The following SNX9 variants were observed in gnomAD, a reference collection of about 807,000 sequenced individuals.
The protein encoded by SNX9 is sorting nexin 9, also known as sorting nexin-9.
Under a neutral mutation model 89.4 loss-of-function variants are expected in SNX9, and 44 were observed. That is an observed-to-expected ratio of 0.49 (90% CI 0.39 to 0.63). The LOEUF (loss-of-function observed/expected upper bound fraction) is 0.63, where lower values mean the gene tolerates loss of function less well. Ranked by LOEUF, SNX9 falls within the 30% of genes least tolerant of loss-of-function variation. The probability of loss-of-function intolerance (pLI) is 0.00; values close to 1 mark genes in which losing one functional copy is unlikely to be tolerated. For synonymous variants in SNX9, 236 were observed against 247.8 expected, an observed-to-expected ratio of 0.95 and a Z score of 0.45; for missense variants, 578 against 736.1, an observed-to-expected ratio of 0.79 and a Z score of 2.49.
intron 7 of SNX9, 133 bp downstream of exon 7, chr6:157,906,345 A>T: frequency 1.5e-6 from 1 of 652,152 alleles, no homozygotes; most frequent in East Asian, 3.1e-5. Context: ...AACTGATAAT[A>T]TATGTTAGTG....
intron 9 of SNX9, among the ~76,000 whole-genome samples, chr6:157,911,208 T>G (rs1783336511): frequency 6.6e-6 from 1 of 152,216 alleles, no homozygotes; most frequent in South Asian, 2.1e-4. Flanking sequence ...AATGTTCACA[T>G]ACATGAACTA....
rs747986581 is a variant in SNX9, at chr6:157,875,181, G to A, written c.300+5G>A. ...GCTGCCAGCAACAATCACCAGGTAC[G>A]TCTCACTTCCTCCTTCTGGATGTGG... On this transcript the variant is annotated splice_donor_5th_base_variant and intron_variant, in intron 4 of 17. Transcript: ENST00000392185. 6.9e-6 allele frequency: 11 copies of A among 1,605,320 alleles called. 1 individual carries two copies. The highest frequency in any genetic ancestry group is 6.7e-5 in the East Asian group (3 of 44,488).
intron 1 of SNX9, among the ~76,000 whole-genome samples, chr6:157,854,225 C>A (rs1781966778): frequency 6.6e-6 from 1 of 152,168 alleles, no homozygotes; most frequent in Admixed American, 6.5e-5. Flanking sequence ...AGTGAGCATG[C>A]AGTTTTACAA....
chr6:157,888,557 T>C (rs1782785169), intron 4 of SNX9, among the ~76,000 whole-genome samples: 1 of 152,230 alleles, frequency 6.6e-6, no homozygotes, highest in African/African-American at 2.4e-5. Flanking sequence ...ACTGGGCACC[T>C]TTTTTATTTT....
intron 1 of SNX9, among the ~76,000 whole-genome samples, chr6:157,825,826 C>G (rs1443095812): frequency 2.0e-5 from 3 of 152,184 alleles, no homozygotes; most frequent in African/African-American, 7.2e-5. Context: ...CCCATATGCA[C>G]ACTCCTTCCC....
intron 3 of SNX9, 76 bp from the exon 4 acceptor site, chr6:157,874,975 A>G (rs1782488002): frequency 1.3e-6 from 2 of 1,492,172 alleles, no homozygotes; most frequent in Non-Finnish European, 1.8e-6. Context: ...CTTTTTGACA[A>G]TTCTTGCTTG....
At chr6:157,833,783 A>G (rs181077991) in intron 1 of SNX9, among the ~76,000 whole-genome samples, 1 of 152,264 alleles carries the variant, frequency 6.6e-6, no homozygotes, top group Admixed American at 6.5e-5. Context: ...GTTGAATAAT[A>G]TGATTTTACA....
At chr6:157,871,687 T>A (rs563906061) in intron 2 of SNX9, among the ~76,000 whole-genome samples, 8 of 152,050 alleles carry the variant, frequency 5.3e-5, no homozygotes, top group Admixed American at 1.3e-4. Context: ...TAATAATTTT[T>A]AAAAATTTTT....
chr6:157,827,225 A>T lies in SNX9; in HGVS notation c.12+3779A>T, dbSNP rs1360825524. Among the ~76,000 whole-genome samples, 46 of 24,222 alleles carry T rather than the reference A, an allele frequency of 1.9e-3. 1 individual carries two copies. Among genetic ancestry groups the T allele is most frequent in the African/African-American group, 8.3e-3 (20 of 2,398 alleles). The allele number at this position is 24,222 out of a possible 152,430, so 15.9% of individuals were successfully genotyped here. ...ATAAACATATATTATAGTTTATATA[A>T]TATATAAACATATATTATAGTTTAT... On this transcript the variant is annotated intron_variant, in intron 1 of 17. Coordinates refer to ENST00000392185, the MANE Select transcript of SNX9 (RefSeq NM_016224.5).
At chr6:157,930,434 C>T (rs1365110297) in intron 12 of SNX9, among the ~76,000 whole-genome samples, 1 of 152,180 alleles carries the variant, frequency 6.6e-6, no homozygotes, top group African/African-American at 2.4e-5. Flanking sequence ...GCAAAGTTGA[C>T]GTTGTTCTCT....
At chr6:157,853,806 A>G (rs980106816) in intron 1 of SNX9, among the ~76,000 whole-genome samples, 7 of 151,956 alleles carry the variant, frequency 4.6e-5, no homozygotes, top group African/African-American at 1.7e-4. Flanking sequence ...AAAAAAAACA[A>G]CAAAGGTGGT....
intron 1 of SNX9, among the ~76,000 whole-genome samples, chr6:157,843,872 CTTTTTTT>C (rs1006138414): frequency 7.5e-5 from 9 of 120,680 alleles, no homozygotes; most frequent in African/African-American, 2.6e-4. Context: ...TCCCATTTGT[CTTTTTTT>C]TTTTTTTTTT....
At chr6:157,829,179 C>G (rs1485055768) in intron 1 of SNX9, 1 of 141,706 alleles carries the variant, frequency 7.1e-6, no homozygotes, top group African/African-American at 3.2e-5. Context: ...ATCAATTTTA[C>G]TAATGATTAC....
chr6:157,896,790 T>A (rs540139625), intron 4 of SNX9, 37 bp from the exon 5 acceptor site: 1 of 1,611,474 alleles, frequency 6.2e-7, no homozygotes, highest in East Asian at 2.2e-5. Context: ...TTTCCAAAAG[T>A]CACAAAAATT....
chr6:157,881,648 A>G (rs540058052), intron 4 of SNX9, among the ~76,000 whole-genome samples: 4 of 152,224 alleles, frequency 2.6e-5, no homozygotes, highest in Non-Finnish European at 5.9e-5. Context: ...GAATGATAAG[A>G]AAGTGAAATA....
chr6:157,872,856 TC>T, intron 2 of SNX9: 1 of 323,276 alleles, frequency 3.1e-6, no homozygotes, highest in South Asian at 5.5e-5. Flanking sequence ...GGTCATCTAA[TC>T]ATCAGCTGTT....
chr6:157,887,411 C>G (rs1782757137), intron 4 of SNX9, among the ~76,000 whole-genome samples: 1 of 152,140 alleles, frequency 6.6e-6, no homozygotes, highest in Non-Finnish European at 1.5e-5. Context: ...ACGTGATGGG[C>G]TGATCAGTGC....
chr6:157,851,398 A>G (rs1781908366), intron 1 of SNX9, among the ~76,000 whole-genome samples: 1 of 152,218 alleles, frequency 6.6e-6, no homozygotes, highest in African/African-American at 2.4e-5. Context: ...CAGTGACATT[A>G]GATACATTCA....
At position 157,882,423 on chromosome 6, in the gene SNX9, T is replaced by A. The variant is rs2092562; in HGVS notation, c.300+7247T>A. Among the ~76,000 whole-genome samples, 31 of 152,224 alleles carry A rather than the reference T, an allele frequency of 2.0e-4. 1 individual carries two copies. Among genetic ancestry groups the A allele is most frequent in the African/African-American group, 7.0e-4 (29 of 41,508 alleles). ...TAATACAGCACTTATTCTACAGCCC[T>A]TGGATCGAGGAGTAATTTTGACTTC... is the stretch of plus-strand genomic sequence containing the variant. On this transcript the variant is annotated intron_variant, in intron 4 of 17. Coordinates refer to ENST00000392185, the MANE Select transcript of SNX9 (RefSeq NM_016224.5).
Sources: gnomAD v4.1 joint callset for allele counts (sites outside exome capture counted in the v4.1 genomes callset) on GRCh38, gnomAD v4.1.1 for gene constraint, MANE v1.5 for transcripts, NCBI Gene and HGNC (gene_info 2026-07-23, HGNC 2026-07-21) for gene names.